Variants in CNTN4 observed in about 807,000 individuals in gnomAD.
CNTN4 encodes the protein contactin-4.
Under a neutral mutation model 122.5 loss-of-function variants are expected in CNTN4, and 77 were observed. The observed-to-expected ratio is 0.63, with a 90% CI of 0.52 to 0.76. The LOEUF is 0.76. CNTN4 is among the 30% of genes least tolerant of loss of function. The pLI is 0.00. For missense variants in CNTN4, 1,256 were observed against 1,259.1 expected, an observed-to-expected ratio of 1.00 and a Z score of 0.04; for synonymous variants, 512 against 447.0, an observed-to-expected ratio of 1.15 and a Z score of -1.83.
At chr3:2,191,022 C>T (rs941295166) in intron 2 of CNTN4, among the ~76,000 whole-genome samples, 2 of 152,064 alleles carry the variant, frequency 1.3e-5, no homozygotes, top group Non-Finnish European at 2.9e-5. Context: ...TTTCTGATTT[C>T]CCAGGGCTTG....
chr3:2,404,268 C>T (rs536294940), intron 3 of CNTN4, among the ~76,000 whole-genome samples: 1 of 152,306 alleles, frequency 6.6e-6, no homozygotes, highest in South Asian at 2.1e-4. Context: ...CTCACAAGGC[C>T]TACAGCAAGG....
intron 2 of CNTN4, among the ~76,000 whole-genome samples, chr3:2,121,992 A>ACAC: frequency 6.7e-6 from 1 of 148,356 alleles, no homozygotes; most frequent in Non-Finnish European, 1.5e-5. Context: ...TCTCTACTAA[A>ACAC]AAAATACAAA....
chr3:2,161,512 T>C (rs1031268878), intron 2 of CNTN4, among the ~76,000 whole-genome samples: 3 of 151,990 alleles, frequency 2.0e-5, no homozygotes, highest in African/African-American at 4.8e-5. Context: ...GGTGTGTGAC[T>C]GGTGTGTCAG....
chr3:2,907,813 A>G (rs1041793123), intron 12 of CNTN4, among the ~76,000 whole-genome samples: 4 of 151,940 alleles, frequency 2.6e-5, no homozygotes, highest in South Asian at 2.1e-4. Context: ...TAACATGTCT[A>G]TTTAATGGAT....
chr3:2,657,514 G>A (rs12497767), intron 4 of CNTN4, among the ~76,000 whole-genome samples: 6 of 152,022 alleles, frequency 3.9e-5, no homozygotes, highest in African/African-American at 7.3e-5. Flanking sequence ...GAGGTTTTGC[G>A]TTTGTGAATT....
At chr3:2,917,979 C>T (rs867342721) in intron 12 of CNTN4, among the ~76,000 whole-genome samples, 25 of 152,122 alleles carry the variant, frequency 1.6e-4, no homozygotes, top group African/African-American at 4.1e-4. Flanking sequence ...CATGAGAAGA[C>T]CATGGTTCTT....
At chr3:2,252,459 C>T (rs2040415537) in intron 2 of CNTN4, among the ~76,000 whole-genome samples, 1 of 152,004 alleles carries the variant, frequency 6.6e-6, no homozygotes, top group African/African-American at 2.4e-5. Flanking sequence ...TTAGTCTTCT[C>T]TGTCACTGTG....
At chr3:2,557,435 T>C (rs2078764113) in intron 3 of CNTN4, among the ~76,000 whole-genome samples, 1 of 152,184 alleles carries the variant, frequency 6.6e-6, no homozygotes, top group Admixed American at 6.5e-5. Flanking sequence ...TCTTCATTAA[T>C]ATGCATGGTA....
intron 3 of CNTN4, among the ~76,000 whole-genome samples, chr3:2,483,824 A>T (rs1437402125): frequency 6.6e-6 from 1 of 152,196 alleles, no homozygotes; most frequent in Non-Finnish European, 1.5e-5. Context: ...TCTTTATAAA[A>T]TACCCAGTCT....
chr3:2,744,541 A>T (rs1406399341), intron 5 of CNTN4, among the ~76,000 whole-genome samples: 1 of 152,186 alleles, frequency 6.6e-6, no homozygotes, highest in Non-Finnish European at 1.5e-5. Flanking sequence ...ACTCTTGGTA[A>T]TTCACAAACT....
At chr3:2,171,794 A>G (rs74416424) in intron 2 of CNTN4, among the ~76,000 whole-genome samples, 3,214 of 152,320 alleles carry the variant, frequency 0.021, 62 homozygotes, top group Non-Finnish European at 0.034. Context: ...TACTTGAGTT[A>G]CTTACTGAAT....
At chr3:2,694,237 T>C (rs2085895963) in intron 4 of CNTN4, among the ~76,000 whole-genome samples, 1 of 152,196 alleles carries the variant, frequency 6.6e-6, no homozygotes, top group Admixed American at 6.5e-5. Flanking sequence ...CCATTCCCAC[T>C]TTTAAAGCCA....
chr3:3,039,919 G>A (rs575485955), intron 19 of CNTN4, 118 bp from the exon 20 acceptor site: 152 of 754,418 alleles, frequency 2.0e-4, no homozygotes, highest in Non-Finnish European at 1.4e-4. Context: ...TTAACAAAAC[G>A]CCAAATAAGA....
chr3:2,218,671 G>T (rs556416059), intron 2 of CNTN4, among the ~76,000 whole-genome samples: 19 of 152,304 alleles, frequency 1.2e-4, no homozygotes, highest in African/African-American at 3.8e-4. Flanking sequence ...ACACACGTAT[G>T]TAGTACTAAA....
intron 2 of CNTN4, among the ~76,000 whole-genome samples, chr3:2,310,653 T>G (rs1231004238): frequency 2.0e-5 from 3 of 152,122 alleles, no homozygotes; most frequent in Non-Finnish European, 2.9e-5. Flanking sequence ...ATGGCTTCAC[T>G]TGTACCCCAA....
intron 13 of CNTN4, among the ~76,000 whole-genome samples, chr3:2,961,838 C>T (rs1487638120): frequency 2.6e-5 from 4 of 152,110 alleles, no homozygotes; most frequent in Admixed American, 6.5e-5. Flanking sequence ...CTTTGAAAAA[C>T]ACTGTGTAGA....
chr3:2,178,754 A>T (rs2036870740), intron 2 of CNTN4, among the ~76,000 whole-genome samples: 1 of 152,008 alleles, frequency 6.6e-6, no homozygotes, highest in East Asian at 1.9e-4. Flanking sequence ...GGGGGTAGGT[A>T]TTCTGTTATC....
intron 2 of CNTN4, among the ~76,000 whole-genome samples, chr3:2,232,212 C>A (rs2039514056): frequency 6.6e-6 from 1 of 152,008 alleles, no homozygotes; most frequent in South Asian, 2.1e-4. Flanking sequence ...ACAGTCAATG[C>A]CTCATTTAAA....
chr3:2,572,872 A>G (rs1477528597), intron 4 of CNTN4, among the ~76,000 whole-genome samples: 1 of 152,212 alleles, frequency 6.6e-6, no homozygotes, highest in East Asian at 1.9e-4. Flanking sequence ...TATAAAATCA[A>G]AAATAATAAT....
Sources: allele counts gnomAD v4.1 joint callset (sites outside exome capture counted in the v4.1 genomes callset), GRCh38; gene constraint gnomAD v4.1.1; transcripts MANE v1.5; gene names NCBI Gene and HGNC (gene_info 2026-07-23, HGNC 2026-07-21).